ELOVL6: variants seen among roughly 807,000 people sequenced by gnomAD.
ELOVL6 encodes the protein ELOVL fatty acid elongase 6.
ELOVL6 carries 8 observed loss-of-function variants against 31.7 expected under a neutral mutation model. The observed-to-expected ratio is 0.25, with a 90% CI of 0.15 to 0.45. The LOEUF is 0.45. Ranked by LOEUF, ELOVL6 falls within the 20% of genes least tolerant of loss-of-function variation. The pLI is 1.00. For synonymous variants in ELOVL6, 101 were observed against 117.7 expected, an observed-to-expected ratio of 0.86 and a Z score of 0.92; for missense variants, 126 against 326.4, an observed-to-expected ratio of 0.39 and a Z score of 4.73.
chr4:110,103,583 G>A (rs946166343), intron 2 of ELOVL6, among the ~76,000 whole-genome samples: 3 of 152,058 alleles, frequency 2.0e-5, no homozygotes, highest in Non-Finnish European at 4.4e-5. Flanking sequence ...CTTATAGAAA[G>A]CCTCTTCAAA....
rs533323155 is a variant in ELOVL6, at chr4:110,146,373, T to C, written c.90-40745A>G. 5.3e-5 allele frequency: 8 copies of C among 152,230 alleles called. No homozygotes were observed. In the East Asian group the frequency reaches 1.5e-3, roughly 29 times the overall value. The allele number at this position is 152,230 out of a possible 1,614,324, so 9.4% of individuals were successfully genotyped here. ...AGAGCTGAAGTAAAACCTCTTCCTC[T>C]ATGCAGCCTGAGGTGATCTGGCTTA... On this transcript the variant is annotated intron_variant, in intron 1 of 3. Coordinates refer to ENST00000302274, the MANE Select transcript of ELOVL6 (RefSeq NM_024090.3).
intron 1 of ELOVL6, among the ~76,000 whole-genome samples, chr4:110,159,820 C>A (rs771316314): frequency 6.6e-6 from 1 of 152,112 alleles, no homozygotes; most frequent in South Asian, 2.1e-4. Flanking sequence ...AAAATTTTAA[C>A]CTCTCACAAT....
intron 1 of ELOVL6, among the ~76,000 whole-genome samples, chr4:110,115,474 T>A (rs969910243): frequency 6.6e-6 from 1 of 152,202 alleles, no homozygotes. Context: ...CCAAGCATGA[T>A]GGCTCATGCC....
At chr4:110,067,496 G>A (rs187887814) in intron 2 of ELOVL6, among the ~76,000 whole-genome samples, 145 of 152,274 alleles carry the variant, frequency 9.5e-4, no homozygotes, top group Non-Finnish European at 1.4e-3. Flanking sequence ...ACAGGGCTGG[G>A]GAAGCCTCAG....
intron 1 of ELOVL6, among the ~76,000 whole-genome samples, chr4:110,167,399 G>A (rs1758808452): frequency 6.6e-6 from 1 of 152,110 alleles, no homozygotes; most frequent in Non-Finnish European, 1.5e-5. Context: ...CATAAGCAGA[G>A]TTTTCTGCAA....
At chr4:110,125,873 T>C (rs1183346008) in intron 1 of ELOVL6, among the ~76,000 whole-genome samples, 2 of 152,106 alleles carry the variant, frequency 1.3e-5, no homozygotes, top group Non-Finnish European at 2.9e-5. Flanking sequence ...TTTTATTTTG[T>C]ACTTGCATTC....
chr4:110,120,797 T>A (rs34612943), intron 1 of ELOVL6, among the ~76,000 whole-genome samples: 4 of 140,854 alleles, frequency 2.8e-5, no homozygotes, highest in Admixed American at 2.2e-4. Flanking sequence ...TTTTTTCTTT[T>A]CTTTTTTTTT....
intron 3 of ELOVL6, among the ~76,000 whole-genome samples, chr4:110,056,964 A>G (rs183590880): frequency 1.3e-5 from 2 of 152,310 alleles, no homozygotes; most frequent in Non-Finnish European, 2.9e-5. Context: ...AGAAGATGAA[A>G]ATATGAATAC....
chr4:110,165,190 T>G (rs1211549266), intron 1 of ELOVL6, among the ~76,000 whole-genome samples: 1 of 152,212 alleles, frequency 6.6e-6, no homozygotes, highest in Non-Finnish European at 1.5e-5. Context: ...ATCTACAAAC[T>G]ATAAGCAACC....
chr4:110,088,408 A>AT (rs970898438), intron 2 of ELOVL6, among the ~76,000 whole-genome samples: 7 of 152,086 alleles, frequency 4.6e-5, no homozygotes, highest in Admixed American at 3.9e-4. Context: ...ATTGGGACAC[A>AT]TTTCTGTTCA....
At chr4:110,129,891 A>ATTTTTTTTTT (rs371838858) in intron 1 of ELOVL6, among the ~76,000 whole-genome samples, 6 of 93,526 alleles carry the variant, frequency 6.4e-5, no homozygotes, top group East Asian at 7.2e-4. Context: ...ATCCAATCCA[A>ATTTTTTTTTT]TTTTTTTTTT....
intron 1 of ELOVL6, among the ~76,000 whole-genome samples, chr4:110,132,966 T>C (rs542873862): frequency 6.6e-6 from 1 of 152,124 alleles, no homozygotes; most frequent in South Asian, 2.1e-4. Flanking sequence ...GCTAAAGATA[T>C]CTATTTGGAA....
At chr4:110,160,095 T>TACACACACACACACACAAAC (rs948597037) in intron 1 of ELOVL6, among the ~76,000 whole-genome samples, 6 of 150,288 alleles carry the variant, frequency 4.0e-5, no homozygotes, top group South Asian at 2.1e-4. Context: ...GCTTACAACT[T>TACACACACACACACACAAAC]ACACACACAC....
At chr4:110,052,256 G>A (rs1426595487) in intron 3 of ELOVL6, among the ~76,000 whole-genome samples, 3 of 152,186 alleles carry the variant, frequency 2.0e-5, no homozygotes, top group African/African-American at 4.8e-5. Context: ...ATGTTCTAAG[G>A]CTTCTCTAGA....
chr4:110,158,896 G>C (rs1263612088), intron 1 of ELOVL6, among the ~76,000 whole-genome samples: 1 of 151,748 alleles, frequency 6.6e-6, no homozygotes, highest in Non-Finnish European at 1.5e-5. Context: ...CCTGACCTCA[G>C]GTGATCCGCC....
chr4:110,084,113 T>TATATG (rs1756040556), intron 2 of ELOVL6, among the ~76,000 whole-genome samples: 1 of 76,942 alleles, frequency 1.3e-5, no homozygotes, highest in African/African-American at 6.5e-5. Flanking sequence ...ATATATATGA[T>TATATG]ATATATAACA....
chr4:110,126,459 GC>G (rs1032157003), intron 1 of ELOVL6, among the ~76,000 whole-genome samples: 36 of 152,144 alleles, frequency 2.4e-4, no homozygotes, highest in African/African-American at 8.4e-4. Context: ...CTTTTGGGAG[GC>G]CTCCCAAGGA....
intron 2 of ELOVL6, among the ~76,000 whole-genome samples, chr4:110,077,276 T>C (rs1488051692): frequency 6.6e-6 from 1 of 152,152 alleles, no homozygotes; most frequent in East Asian, 1.9e-4. Context: ...GATCTGAGAA[T>C]GGACAGACTG....
chr4:110,084,106 T>TAAC, intron 2 of ELOVL6, among the ~76,000 whole-genome samples: 1 of 116,176 alleles, frequency 8.6e-6, no homozygotes, highest in South Asian at 2.7e-4. Context: ...ATATATGATA[T>TAAC]ATATGATATA....
Sources: gnomAD v4.1 joint callset for allele counts (sites outside exome capture counted in the v4.1 genomes callset) on GRCh38, gnomAD v4.1.1 for gene constraint, MANE v1.5 for transcripts, NCBI Gene and HGNC (gene_info 2026-07-23, HGNC 2026-07-21) for gene names.